PAPPA: variants seen among roughly 807,000 people sequenced by gnomAD.
PAPPA encodes pappalysin-1.
Under a neutral mutation model 164.0 loss-of-function variants are expected in PAPPA, and 60 were observed. The ratio of observed to expected loss-of-function variants is 0.37; its 90% confidence interval spans 0.30 to 0.45. The LOEUF is 0.45. Ranked by LOEUF, PAPPA falls within the 20% of genes least tolerant of loss-of-function variation. The probability of loss-of-function intolerance (pLI) is 1.00; values close to 1 mark genes in which losing one functional copy is unlikely to be tolerated. For missense variants in PAPPA, 1,782 were observed against 2,087.3 expected (o/e 0.85, Z 2.85); for synonymous variants, 875 against 814.1 (o/e 1.07, Z -1.27).
intron 9 of PAPPA, among the ~76,000 whole-genome samples, chr9:116,273,015 C>T (rs1845155253): frequency 6.6e-6 from 1 of 152,140 alleles, no homozygotes; most frequent in Non-Finnish European, 1.5e-5. Context: ...GTGAACTCTA[C>T]CTGAGCCAAA....
Position 116,153,798 on chromosome 9 carries a change from C to T in PAPPA, c.-375C>T, listed in dbSNP as rs574359865. ...GCAAAAAATAAATAAATTAGAGCATCTTTTGGGGGGAGGGAATTCAGCGGA... is the reference window on the plus strand; with the variant it reads ...GCAAAAAATAAATAAATTAGAGCATTTTTTGGGGGGAGGGAATTCAGCGGA... On this transcript the variant is annotated 5_prime_UTR_variant, in exon 1 of 22. Coordinates refer to ENST00000328252, the MANE Select transcript of PAPPA (RefSeq NM_002581.5). 7.2e-6 allele frequency: 1 copy of T among 139,658 alleles called. No individual in the cohort carries two copies. The highest frequency in any genetic ancestry group is 1.5e-5 in the Non-Finnish European group (1 of 65,578). 8.7% of individuals were successfully genotyped at this position (139,658 alleles called of 1,614,324 possible). A position where few individuals can be genotyped will look rare whatever the true frequency, so the allele number is the denominator to read the frequency against.
In PAPPA at chr9:116,382,498, G is replaced by A. The variant is rs1253077783; in HGVS notation, c.4776+5G>A. 1 of 1,593,748 alleles carries A rather than the reference G, an allele frequency of 6.3e-7. No homozygotes were observed. The highest frequency in any genetic ancestry group is 8.6e-7 in the Non-Finnish European group (1 of 1,161,450). Reference sequence around the variant, plus strand: ...TCCACAGTGAAGACCAAAAAGGTAGGCCAGTGTGCACTCCTCGGCAGCTGC... The same window carrying A: ...TCCACAGTGAAGACCAAAAAGGTAGACCAGTGTGCACTCCTCGGCAGCTGC... On this transcript the variant is annotated splice_donor_5th_base_variant and intron_variant, in intron 21 of 21. Transcript: ENST00000328252.
chr9:116,178,590 C>G (rs1264201840), intron 1 of PAPPA, among the ~76,000 whole-genome samples: 1 of 152,202 alleles, frequency 6.6e-6, no homozygotes. Context: ...TTGTCCAAGG[C>G]TACACAGCTA....
chr9:116,254,638 C>T (rs1188907156), intron 7 of PAPPA, among the ~76,000 whole-genome samples: 3 of 151,752 alleles, frequency 2.0e-5, no homozygotes, highest in Non-Finnish European at 4.4e-5. Flanking sequence ...AAAAATTAGC[C>T]GGGCGTGGTG....
Position 116,259,068 on chromosome 9 carries a change from G to A in PAPPA, c.2733-6789G>A, listed in dbSNP as rs879784993. Among the ~76,000 whole-genome samples, 54 of 151,996 alleles carry A rather than the reference G, an allele frequency of 3.6e-4. 1 individual carries two copies. The highest frequency in any genetic ancestry group is 6.0e-4 in the Non-Finnish European group (41 of 68,022). On this transcript the variant is annotated intron_variant, in intron 7 of 21. Transcript: ENST00000328252. ...GAATTGCTTGAACATGGGAGACAGA[G>A]GTTGCAGTAAGCCAAGATTGCTCCA...
chr9:116,275,270 G>C (rs1845182917), intron 9 of PAPPA, among the ~76,000 whole-genome samples: 2 of 152,214 alleles, frequency 1.3e-5, no homozygotes, highest in Non-Finnish European at 2.9e-5. Context: ...AGTTGGATGT[G>C]CTTGATGCAC....
intron 2 of PAPPA, among the ~76,000 whole-genome samples, chr9:116,193,790 T>C (rs1355330142): frequency 2.6e-5 from 4 of 152,122 alleles, no homozygotes; most frequent in African/African-American, 9.7e-5. Flanking sequence ...TCAATGACAT[T>C]TTGTTACAGT....
At chr9:116,282,567 A>C (rs1845280595) in intron 9 of PAPPA, among the ~76,000 whole-genome samples, 1 of 152,252 alleles carries the variant, frequency 6.6e-6, no homozygotes, top group Non-Finnish European at 1.5e-5. Flanking sequence ...GCTATGAGGT[A>C]GTTTTAACAT....
intron 7 of PAPPA, among the ~76,000 whole-genome samples, chr9:116,238,600 C>G (rs529937180): frequency 9.8e-5 from 15 of 152,318 alleles, no homozygotes; most frequent in African/African-American, 2.6e-4. Context: ...TGTGCCAAAT[C>G]ATCAGTAGTG....
intron 1 of PAPPA, among the ~76,000 whole-genome samples, chr9:116,173,923 C>T (rs1403571226): frequency 6.6e-6 from 1 of 151,800 alleles, no homozygotes; most frequent in Non-Finnish European, 1.5e-5. Context: ...CTGGTGTAGT[C>T]AGCTTTCCCC....
rs1305415048 is a variant in PAPPA at position 116,397,498 on chromosome 9, T to C, written c.*882T>C. On this transcript the variant is annotated 3_prime_UTR_variant, in exon 22 of 22. Transcript: ENST00000328252. ...ATCCTATACATTGAATAATCCAAGA[T>C]GGTAGAACTAGGTTAGGAAAAATTC... 6.5e-6 allele frequency: 1 copy of C among 152,692 alleles called. No individual in the cohort carries two copies. Among genetic ancestry groups the C allele is most frequent in the Non-Finnish European group, 1.5e-5 (1 of 68,072 alleles). 9.5% of individuals were successfully genotyped at this position (152,692 alleles called of 1,614,324 possible). A position where few individuals can be genotyped will look rare whatever the true frequency, so the allele number is the denominator to read the frequency against.
rs201148082 is a variant in PAPPA, at chr9:116,187,854, C to A, written c.1116C>A (p.Arg372=). Residue 372 remains arginine, a synonymous_variant, in exon 2 of 22, where the codon CGC becomes CGA. Transcript: ENST00000328252. This position sits in a 1 kb window ranked among gnomAD's most constrained non-coding sequence, Gnocchi z 4.2. Reference sequence around the variant, plus strand: ...ATCATAAGAACCCGACGGTGACGCGCGAGCAGGTGGACTTCCAGCACCATC... The same window carrying A: ...ATCATAAGAACCCGACGGTGACGCGAGAGCAGGTGGACTTCCAGCACCATC... ...EDDHKNPTVT[R]EQVDFQHHQL... 6.2e-7 allele frequency: 1 copy of A among 1,614,186 alleles called. No homozygotes were observed. Among genetic ancestry groups the A allele is most frequent in the East Asian group, 2.2e-5 (1 of 44,890 alleles).
intron 1 of PAPPA, among the ~76,000 whole-genome samples, chr9:116,158,698 T>C (rs764294782): frequency 6.6e-6 from 1 of 152,234 alleles, no homozygotes; most frequent in Non-Finnish European, 1.5e-5. Context: ...TGGGGAACAC[T>C]TGAAGGTATG....
At chr9:116,279,887 T>G (rs766091152) in intron 9 of PAPPA, among the ~76,000 whole-genome samples, 1 of 152,192 alleles carries the variant, frequency 6.6e-6, no homozygotes, top group Non-Finnish European at 1.5e-5. Flanking sequence ...TTAATATTCA[T>G]GAGCTGTGAT....
At chr9:116,206,373 G>A (rs981121100) in intron 2 of PAPPA, among the ~76,000 whole-genome samples, 1 of 152,130 alleles carries the variant, frequency 6.6e-6, no homozygotes, top group Admixed American at 6.6e-5. Flanking sequence ...TTCACAGCAG[G>A]GTAGAGGTGT....
At chr9:116,366,725 A>G (rs1443742673) in intron 18 of PAPPA, among the ~76,000 whole-genome samples, 1 of 152,186 alleles carries the variant, frequency 6.6e-6, no homozygotes, top group Non-Finnish European at 1.5e-5. Flanking sequence ...CCAGCAGGGA[A>G]GAGAGCTATT....
At chr9:116,372,987 C>A (rs1170454933) in intron 19 of PAPPA, among the ~76,000 whole-genome samples, 1 of 152,136 alleles carries the variant, frequency 6.6e-6, no homozygotes, top group African/African-American at 2.4e-5. Context: ...GCAAGGGCAA[C>A]CCTCATACAT....
intron 21 of PAPPA, among the ~76,000 whole-genome samples, chr9:116,385,051 T>C (rs1469241596): frequency 6.6e-6 from 1 of 151,766 alleles, no homozygotes; most frequent in African/African-American, 2.4e-5. Context: ...CTCGCCAAGA[T>C]GGTGAAACCC....
At chr9:116,396,431 T>C in intron 21 of PAPPA, 78 bp from the exon 22 acceptor site, 1 of 764,012 alleles carries the variant, frequency 1.3e-6, no homozygotes. Context: ...ATCCAGTGAT[T>C]GTATCCCTGC....
Sources: allele counts gnomAD v4.1 joint callset (sites outside exome capture counted in the v4.1 genomes callset), GRCh38; gene constraint gnomAD v4.1.1; non-coding constraint Gnocchi (gnomAD v3.1); transcripts MANE v1.5; gene names NCBI Gene and HGNC (gene_info 2026-07-23, HGNC 2026-07-21).